The following COPG1 variants were observed in gnomAD, a reference collection of about 807,000 sequenced individuals.
The protein encoded by COPG1 is coatomer subunit gamma-1.
COPG1 carries 29 observed loss-of-function variants against 102.8 expected under a neutral mutation model. The ratio of observed to expected loss-of-function variants is 0.28; its 90% CI spans 0.21 to 0.38. The LOEUF is 0.38. Ranked by LOEUF, COPG1 falls within the 10% of genes least tolerant of loss-of-function variation. The pLI is 1.00. For missense variants in COPG1, 875 were observed against 1,132.7 expected (o/e 0.77, Z 3.27); for synonymous variants, 406 against 421.6 (o/e 0.96, Z 0.45).
Position 129,275,278 on chromosome 3 carries a change from C to G in COPG1, c.2480C>G (p.Thr827Arg). The G allele has an allele frequency of 6.2e-7, 1 of 1,614,118 alleles. No homozygotes were observed. Among genetic ancestry groups the G allele is most frequent in the East Asian group, 2.2e-5 (1 of 44,884 alleles). Residue 827 changes from threonine to arginine, a missense_variant, in exon 23 of 24, where the codon ACG becomes AGG. Transcript: ENST00000314797. The surrounding 1 kb of genome is among the most constrained non-coding windows in gnomAD (Gnocchi z 5.0). The part of the protein sequence containing the change: ...DKVPDNKNTH[T>R]LLLAGVFRGG... Reference sequence around the variant, plus strand: ...GTGCCGGATAACAAGAACACCCACACGTTGCTCCTGGCTGGTAAGTGGCAT... The same window carrying G: ...GTGCCGGATAACAAGAACACCCACAGGTTGCTCCTGGCTGGTAAGTGGCAT...
chr3:129,263,014 C>CCAA (rs1491324874), intron 12 of COPG1, among the ~76,000 whole-genome samples: 2 of 54,308 alleles, frequency 3.7e-5, no homozygotes, highest in Non-Finnish European at 6.9e-5. Flanking sequence ...GACTCCGTCT[C>CCAA]AAAAAAAAAA....
Position 129,277,347 on chromosome 3 carries a change from G to T in COPG1, c.2548G>T (p.Asp850Tyr), listed in dbSNP as rs1260496592. The change falls in exon 24 of 24, where the codon GAC becomes TAC. Residue 850 changes from aspartate (D) to tyrosine (Y), a missense_variant. Transcript: ENST00000314797. ...GGTGCGCTCCCGGCTGCTGCTTTTG[G>T]ACACAGTGACAATGCAGGTGACAGC... Reference protein sequence around the residue: ...ILVRSRLLLLDTVTMQVTARS... With the variant: ...ILVRSRLLLLYTVTMQVTARS... The T allele has an allele frequency of 6.2e-7, 1 of 1,613,884 alleles. No homozygotes were observed. Among genetic ancestry groups the T allele is most frequent in the Non-Finnish European group, 8.5e-7 (1 of 1,180,006 alleles).
Position 129,252,352 on chromosome 3 carries a change from C to T in COPG1, c.162C>T (p.Leu54=). 1 of 1,609,846 alleles carries T rather than the reference C, an allele frequency of 6.2e-7. No homozygotes were observed. Among genetic ancestry groups the T allele is most frequent in the African/African-American group, 1.3e-5 (1 of 74,934 alleles). ...CAHILTKILY[L]INQGEHLGTT... ...ACATCCTCACCAAGATTCTTTATCT[C>T]ATAAACCAGGTAACAGGGTGAAGCT... Residue 54 remains leucine (L), a synonymous_variant, in exon 3 of 24, where the codon CTC becomes CTT. Transcript: ENST00000314797.
At chr3:129,253,831 T>C (rs1576960159) in intron 5 of COPG1, among the ~76,000 whole-genome samples, 2 of 149,016 alleles carry the variant, frequency 1.3e-5, no homozygotes, top group South Asian at 2.1e-4. Flanking sequence ...GAAACCCCGT[T>C]TCTACTAAAA....
rs1332965646 is a variant in COPG1 at position 129,271,463 on chromosome 3, TG to T, written c.1844-299del. On this transcript the variant is annotated intron_variant, in intron 18 of 23. Coordinates refer to ENST00000314797, the MANE Select transcript of COPG1 (RefSeq NM_016128.4). This position sits in a 1 kb window ranked among gnomAD's most constrained non-coding sequence, Gnocchi z 4.7. ...GAAATCCTTGCTAAGCTTCTATAGC[TG>T]GGGGATTCTCCAATTAGGTCTAGGA... 6.6e-6 allele frequency among the ~76,000 whole-genome samples: 1 copy of T among 152,174 alleles called. No homozygotes were observed. The highest frequency in any genetic ancestry group is 1.5e-5 in the Non-Finnish European group (1 of 68,030).
chr3:129,277,561 A>G lies in COPG1; in HGVS notation c.*137A>G, dbSNP rs118010313. On this transcript the variant is annotated 3_prime_UTR_variant, in exon 24 of 24. Transcript: ENST00000314797. ...TAGGAATCATTGCAGATTTTTTTTT[A>G]TTCTGCTCCCACCTCCCACCCGGGA... 3 of 787,894 alleles carry G rather than the reference A, an allele frequency of 3.8e-6. No homozygotes were observed. In the East Asian group the frequency reaches 1.0e-4, roughly 27 times the overall value. The allele number at this position is 787,894 out of a possible 1,614,324, so 48.8% of individuals were successfully genotyped here.
chr3:129,271,663 G>A lies in COPG1; in HGVS notation c.1844-104G>A. On this transcript the variant is annotated intron_variant, in intron 18 of 23. Transcript: ENST00000314797. This position sits in a 1 kb window ranked among gnomAD's most constrained non-coding sequence, Gnocchi z 4.7. ...GGGTAAACATATCTATCCATCTAAG[G>A]TAGGGTGGAACACCTTGAGAATGGT... 7.2e-7 allele frequency: 1 copy of A among 1,387,650 alleles called. No individual in the cohort carries two copies. The highest frequency in any genetic ancestry group is 1.0e-6 in the Non-Finnish European group (1 of 999,074). The allele number at this position is 1,387,650 out of a possible 1,614,324, so 86.0% of individuals were successfully genotyped here. A position where few individuals can be genotyped will look rare whatever the true frequency, so the allele number is the denominator to read the frequency against.
At chr3:129,262,339 G>A (rs1304551616) in intron 12 of COPG1, among the ~76,000 whole-genome samples, 4 of 150,662 alleles carry the variant, frequency 2.7e-5, no homozygotes, top group Admixed American at 6.7e-5. Flanking sequence ...TGCAAGCTCC[G>A]CCTCCTGGGT....
chr3:129,274,736 G>A, intron 21 of COPG1, 102 bp from the exon 22 acceptor site: 1 of 1,345,636 alleles, frequency 7.4e-7, no homozygotes, highest in Non-Finnish European at 1.0e-6. Context: ...TGCCGAGCAA[G>A]CACCTGTGGA....
At chr3:129,250,568 G>T in intron 1 of COPG1, 114 bp from the exon 2 acceptor site, 1 of 806,420 alleles carries the variant, frequency 1.2e-6, no homozygotes, top group Non-Finnish European at 2.1e-6. Flanking sequence ...CCATTCCTGA[G>T]GAGTTTGAAC....
intron 2 of COPG1, 44 bp from the exon 3 acceptor site, chr3:129,252,237 A>G (rs779523763): frequency 3.7e-6 from 5 of 1,361,142 alleles, no homozygotes; most frequent in Non-Finnish European, 5.3e-6. Flanking sequence ...TTGAAGGGAA[A>G]TGAACTAGGC....
Position 129,277,488 on chromosome 3 carries a change from A to G in COPG1, c.*64A>G, listed in dbSNP as rs1198457105. 6.5e-7 allele frequency: 1 copy of G among 1,544,324 alleles called. No homozygotes were observed. On this transcript the variant is annotated 3_prime_UTR_variant, in exon 24 of 24. Coordinates refer to ENST00000314797, the MANE Select transcript of COPG1 (RefSeq NM_016128.4). ...ACTACCTGGAAGTTGTGCCTTCCTCATGAAACTGGCAGAAACCCCTTCCCA... is the reference window on the plus strand; with the variant it reads ...ACTACCTGGAAGTTGTGCCTTCCTCGTGAAACTGGCAGAAACCCCTTCCCA...
chr3:129,271,637 T>G lies in COPG1; in HGVS notation c.1844-130T>G, dbSNP rs981556580. 1 of 1,095,232 alleles carries G rather than the reference T, an allele frequency of 9.1e-7. No individual in the cohort carries two copies. The highest frequency in any genetic ancestry group is 1.3e-6 in the Non-Finnish European group (1 of 759,780). 67.8% of individuals were successfully genotyped at this position (1,095,232 alleles called of 1,614,324 possible). A position where few individuals can be genotyped will look rare whatever the true frequency, so the allele number is the denominator to read the frequency against. On this transcript the variant is annotated intron_variant, in intron 18 of 23. Transcript: ENST00000314797. The surrounding 1 kb of genome is among the most constrained non-coding windows in gnomAD (Gnocchi z 4.7). ...ATTCAGGAAATAATGAGTAGCCAGT[T>G]GGGTAAACATATCTATCCATCTAAG...
At chr3:129,268,450 A>C (rs2107678024) in intron 16 of COPG1, 45 bp from the exon 17 acceptor site, 1 of 1,606,146 alleles carries the variant, frequency 6.2e-7, no homozygotes, top group Non-Finnish European at 8.5e-7. Flanking sequence ...CCTGGTGCAC[A>C]TTTTGCTCTA....
intron 17 of COPG1, 24 bp from the exon 18 acceptor site, chr3:129,268,908 C>T (rs766837402): frequency 5.0e-6 from 8 of 1,609,634 alleles, no homozygotes; most frequent in African/African-American, 1.3e-5. Flanking sequence ...TGTTGGTCAT[C>T]ACGTGTATAA....
intron 13 of COPG1, 126 bp from the exon 14 acceptor site, chr3:129,265,423 G>A: frequency 8.8e-7 from 1 of 1,134,536 alleles, no homozygotes; most frequent in South Asian, 1.5e-5. Flanking sequence ...GAGTGATAGA[G>A]GCCCAGAGAA....
In COPG1 at chr3:129,268,948, A is replaced by G; in HGVS notation, c.1791A>G (p.Thr597=). The G allele has an allele frequency of 6.2e-7, 1 of 1,614,162 alleles. No homozygotes were observed. Among genetic ancestry groups the G allele is most frequent in the Non-Finnish European group, 8.5e-7 (1 of 1,180,006 alleles). ...AEQRTESTPI[T]AVKQPEKVAA... is the part of the protein sequence containing the mutation. ...CTCCTGCAGAAAGTACCCCCATCAC[A>G]GCAGTCAAACAGCCTGAGAAAGTGG... The change falls in exon 18 of 24, where the codon ACA becomes ACG. Residue 597 remains threonine (T), a synonymous_variant. Transcript: ENST00000314797.
chr3:129,262,256 T>A (rs796366330), intron 12 of COPG1, among the ~76,000 whole-genome samples: 16,609 of 150,078 alleles, frequency 0.11, 2,513 homozygotes, highest in African/African-American at 0.35. Context: ...TCTACAAATT[T>A]TTTTTTTTTT....
intron 10 of COPG1, among the ~76,000 whole-genome samples, chr3:129,259,325 G>A (rs1378987768): frequency 1.3e-5 from 2 of 152,074 alleles, no homozygotes; most frequent in Non-Finnish European, 2.9e-5. Flanking sequence ...GCCGGGCGTG[G>A]TGGTGCGCAT....
Sources: gnomAD v4.1 joint callset for allele counts (sites outside exome capture counted in the v4.1 genomes callset) on GRCh38, gnomAD v4.1.1 for gene constraint, Gnocchi (gnomAD v3.1) non-coding constraint, MANE v1.5 for transcripts, NCBI Gene and HGNC (gene_info 2026-07-23, HGNC 2026-07-21) for gene names.